The following IP6K1 variants were observed in gnomAD, a reference collection of about 807,000 sequenced individuals.
IP6K1 encodes inositol hexakisphosphate kinase 1.
In IP6K1, 13 loss-of-function variants were observed where a neutral mutation model predicts 38.3. That is an observed-to-expected ratio of 0.34 (90% CI 0.22 to 0.54). The LOEUF is 0.54. Ranked by LOEUF, IP6K1 falls within the 20% of genes least tolerant of loss-of-function variation. IP6K1 has a pLI of 0.92. For synonymous variants in IP6K1, 212 were observed against 229.9 expected (o/e 0.92, Z 0.70); for missense variants, 397 against 599.8 (o/e 0.66, Z 3.53).
chr3:49,759,252 C>T (rs2080848977), intron 1 of IP6K1, among the ~76,000 whole-genome samples: 1 of 152,148 alleles, frequency 6.6e-6, no homozygotes, highest in African/African-American at 2.4e-5. Flanking sequence ...GATGCTTATA[C>T]TACTCTGAAG....
chr3:49,779,696 T>A (rs1289233216), intron 1 of IP6K1, among the ~76,000 whole-genome samples: 1 of 152,138 alleles, frequency 6.6e-6, no homozygotes, highest in Non-Finnish European at 1.5e-5. Flanking sequence ...ATTTTTCTTT[T>A]CTTTTTAGAG....
At chr3:49,752,404 C>T (rs920034230) in intron 1 of IP6K1, among the ~76,000 whole-genome samples, 7 of 151,000 alleles carry the variant, frequency 4.6e-5, no homozygotes, top group South Asian at 4.2e-4. Context: ...AGGAGAATGG[C>T]GTGGAACCTG....
intron 1 of IP6K1, among the ~76,000 whole-genome samples, chr3:49,764,110 CGG>C (rs1559712403): frequency 1.3e-5 from 2 of 151,380 alleles, no homozygotes; most frequent in African/African-American, 2.4e-5. Context: ...CTACTGGGTG[CGG>C]TGGCTCATGC....
intron 1 of IP6K1, among the ~76,000 whole-genome samples, chr3:49,759,312 A>G (rs1292260942): frequency 6.6e-6 from 1 of 152,166 alleles, no homozygotes; most frequent in Non-Finnish European, 1.5e-5. Context: ...ACAGACACAG[A>G]TGTATTCAGC....
At chr3:49,772,353 A>AAT (rs1278151289) in intron 1 of IP6K1, among the ~76,000 whole-genome samples, 25 of 147,366 alleles carry the variant, frequency 1.7e-4, no homozygotes, top group African/African-American at 5.4e-4. Context: ...TAATATATAA[A>AAT]ATATATATAT....
At chr3:49,776,621 T>C (rs1399963547) in intron 1 of IP6K1, among the ~76,000 whole-genome samples, 1 of 152,130 alleles carries the variant, frequency 6.6e-6, no homozygotes, top group African/African-American at 2.4e-5. Context: ...CAGCAGCATG[T>C]TGCCTTGTTT....
Position 49,726,978 on chromosome 3 carries a change from T to C in IP6K1, c.*144A>G. 2 of 848,894 alleles carry C rather than the reference T, an allele frequency of 2.4e-6. No homozygotes were observed. The highest frequency in any genetic ancestry group is 3.6e-6 in the Non-Finnish European group (2 of 550,696). 52.6% of individuals were successfully genotyped at this position (848,894 alleles called of 1,614,324 possible). ...CACTTTATATATATGGATTCCAGGC[T>C]ACAGCTAAAAACATTTCTTTTAGTT... On this transcript the variant is annotated 3_prime_UTR_variant, in exon 6 of 6. Coordinates refer to ENST00000321599, the MANE Select transcript of IP6K1 (RefSeq NM_153273.4).
intron 1 of IP6K1, among the ~76,000 whole-genome samples, chr3:49,765,415 G>A (rs2080902553): frequency 6.7e-6 from 1 of 150,154 alleles, no homozygotes; most frequent in Non-Finnish European, 1.5e-5. Context: ...GCCGCGGCAG[G>A]CAGATCATGA....
intron 1 of IP6K1, among the ~76,000 whole-genome samples, chr3:49,783,221 T>A (rs992999785): frequency 6.6e-6 from 1 of 151,708 alleles, no homozygotes; most frequent in Admixed American, 6.6e-5. Flanking sequence ...TCAAGCCCAG[T>A]CTGGGCAACT....
At chr3:49,742,404 C>T (rs1182679724) in intron 2 of IP6K1, among the ~76,000 whole-genome samples, 1 of 152,032 alleles carries the variant, frequency 6.6e-6, no homozygotes, top group Admixed American at 6.5e-5. Flanking sequence ...AAAAAATTAG[C>T]CGGGCGTGGT....
At chr3:49,765,225 C>T (rs1021884520) in intron 1 of IP6K1, among the ~76,000 whole-genome samples, 1 of 152,002 alleles carries the variant, frequency 6.6e-6, no homozygotes, top group Non-Finnish European at 1.5e-5. Context: ...AACTACTAGA[C>T]CAGATCTACA....
At chr3:49,744,621 T>G (rs865889195) in intron 2 of IP6K1, among the ~76,000 whole-genome samples, 1 of 152,124 alleles carries the variant, frequency 6.6e-6, no homozygotes, top group Non-Finnish European at 1.5e-5. Flanking sequence ...TCTAGGCTTG[T>G]CTTATAATTT....
intron 2 of IP6K1, among the ~76,000 whole-genome samples, chr3:49,743,833 T>C (rs1466075032): frequency 6.6e-6 from 1 of 151,664 alleles, no homozygotes; most frequent in Non-Finnish European, 1.5e-5. Flanking sequence ...TTGGCGAGGC[T>C]GGTCTCGAAC....
At chr3:49,751,739 ATACTT>A (rs1389033235) in intron 1 of IP6K1, among the ~76,000 whole-genome samples, 2 of 152,176 alleles carry the variant, frequency 1.3e-5, no homozygotes, top group South Asian at 2.1e-4. Flanking sequence ...TTGCTTTGTA[ATACTT>A]TAGTTACATA....
In IP6K1 at chr3:49,766,774, T is replaced by A. The variant is rs929013722; in HGVS notation, c.-128-18606A>T. The stretch of plus-strand genomic sequence containing the variant: ...CTAGGTCAGGAGTTTGAGACCAGCC[T>A]GACCAACATGGCAAAACCCCGTCTC... On this transcript the variant is annotated intron_variant, in intron 1 of 5. Transcript: ENST00000321599. Among the ~76,000 whole-genome samples, 3 of 151,098 alleles carry A rather than the reference T, an allele frequency of 2.0e-5. No individual in the cohort carries two copies. The Admixed American group carries it at 2.0e-4, about 10-fold the overall frequency.
At chr3:49,782,380 A>G (rs2081072742) in intron 1 of IP6K1, among the ~76,000 whole-genome samples, 1 of 152,050 alleles carries the variant, frequency 6.6e-6, no homozygotes, top group African/African-American at 2.4e-5. Flanking sequence ...CATGTTGGTC[A>G]GGCTGGTATG....
chr3:49,739,820 G>T, intron 2 of IP6K1, among the ~76,000 whole-genome samples: 1 of 151,814 alleles, frequency 6.6e-6, no homozygotes, highest in Non-Finnish European at 1.5e-5. Flanking sequence ...TTCCACACCA[G>T]CCTGGCCAAC....
chr3:49,748,714 T>C (rs1285715864), intron 1 of IP6K1, among the ~76,000 whole-genome samples: 2 of 152,180 alleles, frequency 1.3e-5, no homozygotes, highest in African/African-American at 4.8e-5. Context: ...GGTCCCCAAA[T>C]TTTTTGGCAG....
At chr3:49,751,667 G>A (rs920216568) in intron 1 of IP6K1, among the ~76,000 whole-genome samples, 3 of 152,162 alleles carry the variant, frequency 2.0e-5, no homozygotes, top group Admixed American at 2.0e-4. Context: ...AGGTTATGGG[G>A]TTCCATTGCT....
Sources: allele counts gnomAD v4.1 joint callset (sites outside exome capture counted in the v4.1 genomes callset), GRCh38; gene constraint gnomAD v4.1.1; transcripts MANE v1.5; gene names NCBI Gene and HGNC (gene_info 2026-07-23, HGNC 2026-07-21).